The following RHBDD1 variants were observed in gnomAD, a reference collection of about 807,000 sequenced individuals.
The protein encoded by RHBDD1 is rhomboid-related protein 4.
RHBDD1 carries 38 observed loss-of-function variants against 36.3 expected under a neutral mutation model. The ratio of observed to expected loss-of-function variants is 1.05; its 90% CI spans 0.81 to 1.37. RHBDD1 has a LOEUF of 1.37. Among genes scored for constraint, RHBDD1 ranks in the 40% most tolerant of loss-of-function variants. RHBDD1 has a pLI of 0.00. For synonymous variants in RHBDD1, 151 were observed against 136.5 expected (o/e 1.11, Z -0.74); for missense variants, 393 against 377.6 (o/e 1.04, Z -0.34).
At chr2:226,853,481 A>G (rs1042974825) in intron 3 of RHBDD1, among the ~76,000 whole-genome samples, 1 of 152,238 alleles carries the variant, frequency 6.6e-6, no homozygotes, top group Non-Finnish European at 1.5e-5. Context: ...GGGTCTCGCA[A>G]GGGTCACAGC....
At chr2:226,817,626 A>G in the RHBDD1 span, among the ~76,000 whole-genome samples, 1 of 152,320 alleles carries the variant, frequency 6.6e-6, no homozygotes, top group South Asian at 2.1e-4. Flanking sequence ...GATCCAAAGG[A>G]TCCCAAATTC....
At chr2:226,993,928 A>G (rs926953766) in intron 8 of RHBDD1, among the ~76,000 whole-genome samples, 1 of 152,234 alleles carries the variant, frequency 6.6e-6, no homozygotes, top group African/African-American at 2.4e-5. Context: ...CTCTTGGGCA[A>G]TGAGCAAGAG....
chr2:226,871,393 T>G (rs959689102), intron 5 of RHBDD1, among the ~76,000 whole-genome samples: 1 of 152,204 alleles, frequency 6.6e-6, no homozygotes, highest in African/African-American at 2.4e-5. Context: ...ACTGTTGTCA[T>G]GCAAAAGAAA....
chr2:226,858,478 A>G (rs1196974781), intron 3 of RHBDD1, among the ~76,000 whole-genome samples: 1 of 152,158 alleles, frequency 6.6e-6, no homozygotes. Flanking sequence ...TTGGTAGCAG[A>G]CACCAAATTG....
At position 226,880,343 on chromosome 2, in the gene RHBDD1, C is replaced by T. The variant is rs72966000; in HGVS notation, c.566+13025C>T. On this transcript the variant is annotated intron_variant, in intron 5 of 8. Transcript: ENST00000392062. ...CATTTATATATTTCCTCCCTTTCCT[C>T]TTTACAGACTACCTTAAAGGAAAGT... Among the ~76,000 whole-genome samples, 909 of 152,250 alleles carry T rather than the reference C, an allele frequency of 6.0e-3. 3 individuals are homozygous for T. Among genetic ancestry groups the T allele is most frequent in the South Asian group, 0.021 (99 of 4,828 alleles).
chr2:226,811,690 G>T, the RHBDD1 span, among the ~76,000 whole-genome samples: 1 of 152,180 alleles, frequency 6.6e-6, no homozygotes, highest in African/African-American at 2.4e-5. Context: ...GAAATTTGAG[G>T]GGAATGATTT....
intron 8 of RHBDD1, among the ~76,000 whole-genome samples, chr2:226,916,244 A>G (rs1171108497): frequency 6.6e-6 from 1 of 152,218 alleles, no homozygotes; most frequent in African/African-American, 2.4e-5. Context: ...AGTCACATGC[A>G]ATGGTTATGG....
the RHBDD1 span, among the ~76,000 whole-genome samples, chr2:226,822,735 T>C: frequency 2.0e-5 from 3 of 151,964 alleles, no homozygotes; most frequent in Non-Finnish European, 4.4e-5. Context: ...TATGTTGAAA[T>C]TTAATCCTCA....
At chr2:226,944,267 T>A (rs1950833521) in intron 8 of RHBDD1, among the ~76,000 whole-genome samples, 1 of 152,186 alleles carries the variant, frequency 6.6e-6, no homozygotes, top group South Asian at 2.1e-4. Flanking sequence ...TCTACTCTAT[T>A]GTAGATAGGA....
At chr2:226,965,995 G>A (rs1417614139) in intron 8 of RHBDD1, among the ~76,000 whole-genome samples, 1 of 152,002 alleles carries the variant, frequency 6.6e-6, no homozygotes, top group Non-Finnish European at 1.5e-5. Flanking sequence ...CTAGCAAACT[G>A]AATATAGCAG....
At chr2:226,955,276 T>G (rs1033772762) in intron 8 of RHBDD1, among the ~76,000 whole-genome samples, 3 of 152,188 alleles carry the variant, frequency 2.0e-5, no homozygotes, top group African/African-American at 7.2e-5. Context: ...ATGTGCTTGT[T>G]TTGCAAGATC....
intron 8 of RHBDD1, among the ~76,000 whole-genome samples, chr2:226,933,682 T>A (rs1185603480): frequency 6.6e-6 from 1 of 152,090 alleles, no homozygotes; most frequent in Non-Finnish European, 1.5e-5. Flanking sequence ...TCTCTGAGCC[T>A]ACTCTGGCTT....
intron 3 of RHBDD1, among the ~76,000 whole-genome samples, chr2:226,851,359 TC>T (rs1259155824): frequency 6.6e-6 from 1 of 151,918 alleles, no homozygotes; most frequent in East Asian, 1.9e-4. Context: ...GAATTAGAGT[TC>T]CTGAGCTCCG....
intron 8 of RHBDD1, among the ~76,000 whole-genome samples, chr2:226,959,338 T>C (rs1317993879): frequency 6.6e-6 from 1 of 152,212 alleles, no homozygotes; most frequent in Non-Finnish European, 1.5e-5. Context: ...TTGATTGATA[T>C]ATAACCCATA....
chr2:226,970,948 C>T (rs1414703416), intron 8 of RHBDD1, among the ~76,000 whole-genome samples: 1 of 152,190 alleles, frequency 6.6e-6, no homozygotes, highest in East Asian at 1.9e-4. Context: ...AAAACATACG[C>T]AATCTCCTAT....
In RHBDD1 at chr2:226,904,424, G is replaced by GC. The variant is rs1206254409; in HGVS notation, c.567-2369_567-2368insC. On this transcript the variant is annotated intron_variant, in intron 5 of 8. Coordinates refer to ENST00000392062, the MANE Select transcript of RHBDD1 (RefSeq NM_001167608.3). ...GGCACATCCTGCAAGCGGGGGGGGA[G>GC]GGGGGTCAGGGAACTCCTGTTTCAG... Among the ~76,000 whole-genome samples, 879 of 148,248 alleles carry GC rather than the reference G, an allele frequency of 5.9e-3. 127 individuals carry two copies. The highest frequency in any genetic ancestry group is 0.02 in the African/African-American group (796 of 39,930).
intron 8 of RHBDD1, among the ~76,000 whole-genome samples, chr2:226,980,207 T>A (rs1292269709): frequency 6.6e-6 from 1 of 152,148 alleles, no homozygotes. Context: ...ATAAGAAAAT[T>A]GAGGATCAGT....
intron 5 of RHBDD1, among the ~76,000 whole-genome samples, chr2:226,890,100 G>A (rs1190754134): frequency 6.6e-6 from 1 of 152,190 alleles, no homozygotes; most frequent in Non-Finnish European, 1.5e-5. Flanking sequence ...GCCAGTCAGA[G>A]CACGTCCAAG....
chr2:226,937,251 C>T (rs554932426), intron 8 of RHBDD1, among the ~76,000 whole-genome samples: 2 of 152,208 alleles, frequency 1.3e-5, no homozygotes, highest in Non-Finnish European at 2.9e-5. Context: ...CTTATGTTCT[C>T]ATTCAACAAA....
Sources: gnomAD v4.1 joint callset for allele counts (sites outside exome capture counted in the v4.1 genomes callset) on GRCh38, gnomAD v4.1.1 for gene constraint, MANE v1.5 for transcripts, NCBI Gene and HGNC (gene_info 2026-07-23, HGNC 2026-07-21) for gene names.